The following NALCN variants were observed in gnomAD, a reference collection of about 807,000 sequenced individuals.
NALCN encodes the protein sodium leak channel NALCN.
NALCN carries 111 observed loss-of-function variants against 225.3 expected under a neutral mutation model. The ratio of observed to expected loss-of-function variants is 0.49; its 90% CI spans 0.42 to 0.58. The LOEUF (loss-of-function observed/expected upper bound fraction) is 0.58. NALCN is among the 20% of genes least tolerant of loss of function. NALCN has a pLI of 0.00. For missense variants in NALCN, 1,378 were observed against 2,202.4 expected (o/e 0.63, Z 7.49); for synonymous variants, 764 against 769.0 (o/e 0.99, Z 0.11).
intron 13 of NALCN, among the ~76,000 whole-genome samples, chr13:101,197,460 C>G (rs1566417795): frequency 6.6e-6 from 1 of 152,082 alleles, no homozygotes; most frequent in Non-Finnish European, 1.5e-5. Context: ...GTTTTATTAG[C>G]AGGGGAGTTG....
intron 15 of NALCN, among the ~76,000 whole-genome samples, chr13:101,172,202 A>G (rs2038756597): frequency 6.6e-6 from 1 of 152,122 alleles, no homozygotes; most frequent in Non-Finnish European, 1.5e-5. Flanking sequence ...CCAGGAGAAC[A>G]CGGGCCCACC....
At chr13:101,376,871 A>G (rs1042150284) in intron 5 of NALCN, 43 bp from the exon 6 acceptor site, 1 of 1,612,686 alleles carries the variant, frequency 6.2e-7, no homozygotes, top group African/African-American at 1.3e-5. Context: ...ACTTACAAAA[A>G]ACTTCATAAA....
In NALCN at chr13:101,144,769, G is replaced by A; in HGVS notation, c.1967C>T (p.Pro656Leu). 1 of 1,604,214 alleles carries A rather than the reference G, an allele frequency of 6.2e-7. No individual in the cohort carries two copies. The highest frequency in any genetic ancestry group is 8.5e-7 in the Non-Finnish European group (1 of 1,177,022). The change falls in exon 16 of 44, where the codon CCT becomes CTT. Residue 656 changes from proline to leucine, a missense_variant. By Grantham distance (98) the Pro-to-Leu change is moderately conservative (BLOSUM62 -3). Transcript: ENST00000251127. ...ISKLPSDFTV[P>L]KIRESFMKQF... ...AGAAGTATTTTGGTACCTGATTTTA[G>A]GAACTGTAAAATCTGAAGGAAGCTT...
At chr13:101,161,271 A>C (rs2038170477) in intron 15 of NALCN, among the ~76,000 whole-genome samples, 1 of 152,184 alleles carries the variant, frequency 6.6e-6, no homozygotes, top group Admixed American at 6.5e-5. Context: ...CCTATACACA[A>C]CTATTAGGCA....
chr13:101,119,752 C>G (rs1288071672), intron 18 of NALCN, among the ~76,000 whole-genome samples: 1 of 152,202 alleles, frequency 6.6e-6, no homozygotes, highest in African/African-American at 2.4e-5. Context: ...ACGATACAGT[C>G]TAAGTCAGAA....
chr13:101,398,433 A>C lies in NALCN; in HGVS notation c.108+586T>G, dbSNP rs922794599. ...GGTTTTGCAGAGCTGAGATTCCAGC[A>C]CTCATGGATATGCATGCCTGTCAGG... On this transcript the variant is annotated intron_variant, in intron 2 of 43. Coordinates refer to ENST00000251127, the MANE Select transcript of NALCN (RefSeq NM_052867.4). 2.6e-5 allele frequency among the ~76,000 whole-genome samples: 4 copies of C among 152,128 alleles called. No individual in the cohort carries two copies. The South Asian group carries it at 8.3e-4, about 32-fold the overall frequency.
intron 11 of NALCN, among the ~76,000 whole-genome samples, chr13:101,250,958 G>T (rs1594527529): frequency 6.6e-6 from 1 of 151,992 alleles, no homozygotes; most frequent in African/African-American, 2.4e-5. Flanking sequence ...AGACTATAAT[G>T]ATTATATGAG....
intron 14 of NALCN, among the ~76,000 whole-genome samples, chr13:101,180,212 T>TC (rs1389942536): frequency 6.8e-6 from 1 of 147,064 alleles, no homozygotes; most frequent in East Asian, 2.0e-4. Flanking sequence ...GTCTTTTTTT[T>TC]TTTTTTTTTT....
At chr13:101,206,745 TAC>T (rs200454084) in intron 13 of NALCN, among the ~76,000 whole-genome samples, 4,208 of 147,558 alleles carry the variant, frequency 0.029, 164 homozygotes, top group African/African-American at 0.089. Context: ...TATATATATA[TAC>T]ACATATAACA....
intron 15 of NALCN, among the ~76,000 whole-genome samples, chr13:101,162,510 T>C (rs2038238577): frequency 6.6e-6 from 1 of 152,174 alleles, no homozygotes; most frequent in Non-Finnish European, 1.5e-5. Context: ...AATGTGTAGG[T>C]CCACACAGGG....
intron 28 of NALCN, among the ~76,000 whole-genome samples, chr13:101,091,426 A>G (rs894861072): frequency 2.0e-5 from 3 of 152,206 alleles, no homozygotes; most frequent in Non-Finnish European, 2.9e-5. Context: ...AGTTTTTTGA[A>G]TATTAAATAG....
chr13:101,105,778 C>G (rs1373503718), intron 22 of NALCN, among the ~76,000 whole-genome samples: 1 of 152,092 alleles, frequency 6.6e-6, no homozygotes, highest in Non-Finnish European at 1.5e-5. Context: ...GCAGAAAGAA[C>G]AATAGTCTGG....
intron 41 of NALCN, 46 bp downstream of exon 41, chr13:101,061,922 G>T: frequency 6.4e-7 from 1 of 1,550,550 alleles, no homozygotes; most frequent in Non-Finnish European, 8.8e-7. Flanking sequence ...GCGGGGCAGG[G>T]CGGGGCGGGG....
chr13:101,134,862 C>G (rs1737703463), intron 17 of NALCN, among the ~76,000 whole-genome samples: 1 of 152,096 alleles, frequency 6.6e-6, no homozygotes, highest in African/African-American at 2.4e-5. Flanking sequence ...AGTACTGAAA[C>G]AAATTTAGAT....
chr13:101,415,208 CATATATATATATAT>C, intron 1 of NALCN, among the ~76,000 whole-genome samples: 1 of 107,826 alleles, frequency 9.3e-6, no homozygotes, highest in Middle Eastern at 4.3e-3. Context: ...AAATCACACA[CATATATATATATAT>C]ATACATACAT....
intron 11 of NALCN, among the ~76,000 whole-genome samples, chr13:101,258,198 C>T (rs944596529): frequency 6.6e-6 from 1 of 151,868 alleles, no homozygotes; most frequent in Non-Finnish European, 1.5e-5. Context: ...AGAGTAAGAC[C>T]CAGGGGAAAA....
At position 101,088,067 on chromosome 13, in the gene NALCN, G is replaced by C. The variant is rs568206089; in HGVS notation, c.3489+1596C>G. Among the ~76,000 whole-genome samples the C allele has an allele frequency of 4.6e-5, 7 of 152,074 alleles. No individual in the cohort carries two copies. In the East Asian group the frequency reaches 1.4e-3, roughly 29 times the overall value. The stretch of plus-strand genomic sequence containing the variant: ...AACACTGTAGGGCTCAAAGCATCTC[G>C]TTAATGAATGTGATAGGAGTAAAAT... On this transcript the variant is annotated intron_variant, in intron 30 of 43. Transcript: ENST00000251127.
intron 26 of NALCN, among the ~76,000 whole-genome samples, chr13:101,102,833 C>T (rs942544207): frequency 3.3e-5 from 5 of 152,270 alleles, no homozygotes; most frequent in Non-Finnish European, 5.9e-5. Context: ...GTGGAGTACA[C>T]AGTGTTGAAT....
chr13:101,318,678 C>A (rs1409738532), intron 7 of NALCN, among the ~76,000 whole-genome samples: 2 of 152,164 alleles, frequency 1.3e-5, no homozygotes, highest in Non-Finnish European at 2.9e-5. Context: ...TTATATGCAA[C>A]TAAGGAAATC....
Sources: allele counts gnomAD v4.1 joint callset (sites outside exome capture counted in the v4.1 genomes callset), GRCh38; gene constraint gnomAD v4.1.1; transcripts MANE v1.5; gene names NCBI Gene and HGNC (gene_info 2026-07-23, HGNC 2026-07-21).